The following MAPK4 variants were observed in gnomAD, a reference collection of about 807,000 sequenced individuals.
The protein encoded by MAPK4 is Erk3-related.
MAPK4 carries 22 observed loss-of-function variants against 47.7 expected under a neutral mutation model. The ratio of observed to expected loss-of-function variants is 0.46; its 90% CI spans 0.33 to 0.66. The LOEUF is 0.66. MAPK4 is among the 30% of genes least tolerant of loss of function. The pLI, the probability that MAPK4 is intolerant of heterozygous loss-of-function variation, is 0.02. For synonymous variants in MAPK4, 390 were observed against 365.7 expected, an observed-to-expected ratio of 1.07 and a Z score of -0.76; for missense variants, 736 against 831.7, an observed-to-expected ratio of 0.88 and a Z score of 1.42.
In MAPK4 at chr18:50,715,160, A is replaced by G; in HGVS notation, c.628A>G (p.Ile210Val). 1 of 1,614,184 alleles carries G rather than the reference A, an allele frequency of 6.2e-7. No individual in the cohort carries two copies. Among genetic ancestry groups the G allele is most frequent in the Non-Finnish European group, 8.5e-7 (1 of 1,180,022 alleles). Reference protein sequence around the residue: ...LLSPNNYTKAIDMWAAGCILA... With the variant: ...LLSPNNYTKAVDMWAAGCILA... ...TTCCCCCAATAACTACACCAAAGCC[A>G]TCGACATGTGGGCCGCCGGCTGCAT... Residue 210 changes from isoleucine to valine, a missense_variant, in exon 3 of 6, where the codon ATC becomes GTC. Around this residue, in one of 3 missense-constraint regions of MAPK4, gnomAD observed 327 missense variants for 395.4 expected, o/e 0.83. Transcript: ENST00000400384.
chr18:50,596,348 T>C (rs1480898977), intron 1 of MAPK4, among the ~76,000 whole-genome samples: 1 of 152,184 alleles, frequency 6.6e-6, no homozygotes, highest in African/African-American at 2.4e-5. Flanking sequence ...TTCTGTTTGA[T>C]GTGTTGACTG....
chr18:50,653,682 G>A lies in MAPK4; in HGVS notation c.-870-9407G>A, dbSNP rs188934026. 2.5e-4 allele frequency among the ~76,000 whole-genome samples: 38 copies of A among 152,314 alleles called. No homozygotes were observed. The East Asian group carries it at 2.9e-3, about 12-fold the overall frequency. Reference sequence around the variant, plus strand: ...CTGCAGGGCACCTACTGTGCACCACGCACTGTGCTGAGTTGATTAATCTAC... The same window carrying A: ...CTGCAGGGCACCTACTGTGCACCACACACTGTGCTGAGTTGATTAATCTAC... On this transcript the variant is annotated intron_variant, in intron 1 of 5. Transcript: ENST00000400384.
intron 2 of MAPK4, among the ~76,000 whole-genome samples, chr18:50,695,588 G>A (rs1260812019): frequency 6.6e-6 from 1 of 152,102 alleles, no homozygotes; most frequent in Non-Finnish European, 1.5e-5. Flanking sequence ...GAGGGAGGAG[G>A]AGGCACTCCA....
intron 1 of MAPK4, among the ~76,000 whole-genome samples, chr18:50,601,884 T>G (rs991297109): frequency 6.6e-6 from 1 of 152,190 alleles, no homozygotes; most frequent in African/African-American, 2.4e-5. Context: ...TGCAAGGGCT[T>G]TATGAGAATA....
intron 1 of MAPK4, among the ~76,000 whole-genome samples, chr18:50,619,162 A>G (rs1292193855): frequency 6.6e-6 from 1 of 152,228 alleles, no homozygotes; most frequent in African/African-American, 2.4e-5. Flanking sequence ...TCCAGGCTAA[A>G]GGTATAGGAA....
At chr18:50,632,616 ATTTT>A (rs10531891) in intron 1 of MAPK4, among the ~76,000 whole-genome samples, 4 of 122,320 alleles carry the variant, frequency 3.3e-5, no homozygotes, top group Non-Finnish European at 3.3e-5. Context: ...GTCTGGTTTA[ATTTT>A]TTTTTTTTTT....
intron 1 of MAPK4, among the ~76,000 whole-genome samples, chr18:50,583,510 GC>G (rs2042364155): frequency 6.6e-6 from 1 of 152,102 alleles, no homozygotes; most frequent in East Asian, 1.9e-4. Context: ...AATTGTTTGA[GC>G]CCAGGAGGTG....
rs1220131750 is a variant in MAPK4, at chr18:50,677,678, C to T, written c.546+13174C>T. On this transcript the variant is annotated intron_variant, in intron 2 of 5. Coordinates refer to ENST00000400384, the MANE Select transcript of MAPK4 (RefSeq NM_002747.4). ...CCTCCTGCCTCAGTCTCCCAAGTAG[C>T]TGGGGCTATAGGCACATGCCACCAT... Among the ~76,000 whole-genome samples, 11 of 152,210 alleles carry T rather than the reference C, an allele frequency of 7.2e-5. No homozygotes were observed. The South Asian group carries it at 2.3e-3, about 32-fold the overall frequency.
At chr18:50,727,631 T>C (rs140726141) in intron 5 of MAPK4, among the ~76,000 whole-genome samples, 3 of 152,132 alleles carry the variant, frequency 2.0e-5, no homozygotes, top group Admixed American at 2.0e-4. Context: ...CATCCTATAC[T>C]TTCTGCGACT....
At chr18:50,688,996 C>T (rs950607237) in intron 2 of MAPK4, among the ~76,000 whole-genome samples, 6 of 151,806 alleles carry the variant, frequency 4.0e-5, no homozygotes, top group East Asian at 3.9e-4. Context: ...CGGTGGCTCA[C>T]GCCTGTAATC....
At chr18:50,682,023 A>G (rs1484704523) in intron 2 of MAPK4, among the ~76,000 whole-genome samples, 1 of 152,218 alleles carries the variant, frequency 6.6e-6, no homozygotes, top group Non-Finnish European at 1.5e-5. Context: ...AGAATAGGCA[A>G]ACCCATAGAG....
In MAPK4 at chr18:50,729,794, C is replaced by T. The variant is rs1911452218; in HGVS notation, c.1704C>T (p.Cys568=). Residue 568 remains cysteine (C), a synonymous_variant, in exon 6 of 6, where the codon TGC becomes TGT. Coordinates refer to ENST00000400384, the MANE Select transcript of MAPK4 (RefSeq NM_002747.4). ...DNKLGDLNGA[C]IPEHPGDLVQ... Reference sequence around the variant, plus strand: ...AACTGGGCGACCTCAATGGTGCGTGCATCCCCGAGCACCCTGGCGACCTCG... The same window carrying T: ...AACTGGGCGACCTCAATGGTGCGTGTATCCCCGAGCACCCTGGCGACCTCG... 1 of 1,612,452 alleles carries T rather than the reference C, an allele frequency of 6.2e-7. No homozygotes were observed. The highest frequency in any genetic ancestry group is 1.3e-5 in the African/African-American group (1 of 75,076).
intron 1 of MAPK4, among the ~76,000 whole-genome samples, chr18:50,579,831 G>T (rs896062622): frequency 2.0e-5 from 3 of 152,196 alleles, no homozygotes; most frequent in African/African-American, 7.2e-5. Flanking sequence ...ATGGAGAAGA[G>T]GGTGACAGTG....
chr18:50,702,036 C>A (rs776499910), intron 2 of MAPK4, among the ~76,000 whole-genome samples: 1 of 151,914 alleles, frequency 6.6e-6, no homozygotes, highest in Non-Finnish European at 1.5e-5. Context: ...GTGGTACACA[C>A]CTGTGTTCCC....
intron 1 of MAPK4, among the ~76,000 whole-genome samples, chr18:50,609,204 A>G (rs915663150): frequency 9.2e-5 from 14 of 151,800 alleles, no homozygotes; most frequent in Non-Finnish European, 1.3e-4. Context: ...CGCCATCGTC[A>G]TCATGGCCCG....
intron 1 of MAPK4, among the ~76,000 whole-genome samples, chr18:50,567,182 C>A (rs368718507): frequency 1.3e-5 from 2 of 151,756 alleles, no homozygotes; most frequent in Non-Finnish European, 2.9e-5. Flanking sequence ...TGGTGGTTTG[C>A]TGCACCCATC....
Position 50,687,304 on chromosome 18 carries a change from C to T in MAPK4, c.546+22800C>T, listed in dbSNP as rs137945250. Among the ~76,000 whole-genome samples the T allele has an allele frequency of 3.8e-3, 583 of 152,262 alleles. 6 individuals carry two copies. Among genetic ancestry groups the T allele is most frequent in the Middle Eastern group, 0.01 (3 of 294 alleles). On this transcript the variant is annotated intron_variant, in intron 2 of 5. Transcript: ENST00000400384. ...CCTCCCAAAGTGTTGGGATTACAGG[C>T]GTGAGCCACCATGCCTGGCCAATGG...
chr18:50,727,527 C>A (rs1199712087), intron 5 of MAPK4, among the ~76,000 whole-genome samples: 1 of 152,156 alleles, frequency 6.6e-6, no homozygotes, highest in Non-Finnish European at 1.5e-5. Flanking sequence ...CTTCTGCCAC[C>A]CCTGGGGCAG....
chr18:50,727,117 C>T (rs1407520242), intron 5 of MAPK4, among the ~76,000 whole-genome samples: 1 of 152,202 alleles, frequency 6.6e-6, no homozygotes, highest in Non-Finnish European at 1.5e-5. Context: ...TATTTTTAAA[C>T]AATTTCTGCC....
Sources: gnomAD v4.1 joint callset for allele counts (sites outside exome capture counted in the v4.1 genomes callset) on GRCh38, gnomAD v4.1.1 for gene constraint, gnomAD v4.1.1 regional missense constraint, MANE v1.5 for transcripts, NCBI Gene and HGNC (gene_info 2026-07-23, HGNC 2026-07-21) for gene names.